Variants in SH3PXD2A observed in about 807,000 individuals in gnomAD.
The protein encoded by SH3PXD2A is SH3 and PX domain-containing protein 2A.
In SH3PXD2A, 32 loss-of-function variants were observed where a neutral mutation model predicts 115.2. That is an observed-to-expected ratio of 0.28 (90% confidence interval 0.21 to 0.37). SH3PXD2A has a LOEUF of 0.37. Among genes scored for constraint, SH3PXD2A ranks in the 10% least tolerant of loss-of-function variants. The probability of loss-of-function intolerance (pLI) is 1.00; values close to 1 mark genes in which losing one functional copy is unlikely to be tolerated. For missense variants in SH3PXD2A, 1,328 were observed against 1,498.7 expected, an observed-to-expected ratio of 0.89 and a Z score of 1.88; for synonymous variants, 610 against 629.1, an observed-to-expected ratio of 0.97 and a Z score of 0.45.
intron 8 of SH3PXD2A, among the ~76,000 whole-genome samples, chr10:103,645,365 T>C (rs1007820557): frequency 6.6e-6 from 1 of 152,194 alleles, no homozygotes; most frequent in African/African-American, 2.4e-5. Flanking sequence ...CTTCTTCCAG[T>C]TCCCCAATTT....
chr10:103,681,458 C>A (rs966583478), intron 6 of SH3PXD2A, among the ~76,000 whole-genome samples: 1 of 152,210 alleles, frequency 6.6e-6, no homozygotes, highest in Non-Finnish European at 1.5e-5. Context: ...TTTCAGAAGC[C>A]CTGGGAAGCC....
chr10:103,806,835 T>C (rs965661947), intron 1 of SH3PXD2A, among the ~76,000 whole-genome samples: 2 of 152,186 alleles, frequency 1.3e-5, no homozygotes, highest in African/African-American at 4.8e-5. Context: ...CAGTCCAGAC[T>C]GAGGGGACCC....
intron 5 of SH3PXD2A, among the ~76,000 whole-genome samples, chr10:103,723,011 G>C (rs2038200625): frequency 6.6e-6 from 1 of 152,214 alleles, no homozygotes; most frequent in African/African-American, 2.4e-5. Context: ...CCTTTAGGCA[G>C]GACTGCCATG....
chr10:103,662,618 C>A (rs1158606186), intron 7 of SH3PXD2A, among the ~76,000 whole-genome samples: 1 of 151,206 alleles, frequency 6.6e-6, no homozygotes, highest in Non-Finnish European at 1.5e-5. Flanking sequence ...CCAGGATGGT[C>A]TCGATCTCCT....
At chr10:103,605,289 C>A (rs1019427403) in intron 14 of SH3PXD2A, among the ~76,000 whole-genome samples, 1 of 152,158 alleles carries the variant, frequency 6.6e-6, no homozygotes, top group Non-Finnish European at 1.5e-5. Flanking sequence ...TCCACATCCT[C>A]CTAACAACAC....
At position 103,609,303 on chromosome 10, in the gene SH3PXD2A, C is replaced by G. The variant is rs560609466; in HGVS notation, c.1308+2278G>C. 9 of 152,446 alleles carry G rather than the reference C, an allele frequency of 5.9e-5. No individual in the cohort carries two copies. The South Asian group carries it at 1.9e-3, about 32-fold the overall frequency. The allele number at this position is 152,446 out of a possible 1,614,324, so 9.4% of individuals were successfully genotyped here. A position where few individuals can be genotyped will look rare whatever the true frequency, so the allele number is the denominator to read the frequency against. ...CAGGTGGGACTTCTGACAGCACAGG[C>G]AAGGCAATGGAGCACAGTGGTCTCT... On this transcript the variant is annotated intron_variant, in intron 13 of 14. Transcript: ENST00000369774.
At chr10:103,643,709 C>T (rs892844681) in intron 8 of SH3PXD2A, among the ~76,000 whole-genome samples, 4 of 152,210 alleles carry the variant, frequency 2.6e-5, no homozygotes, top group Admixed American at 1.3e-4. Context: ...AAAGAAACTT[C>T]TCATGACGAG....
chr10:103,627,060 C>A lies in SH3PXD2A; in HGVS notation c.718+29G>T. 7.7e-7 allele frequency: 1 copy of A among 1,306,446 alleles called. No homozygotes were observed. Among genetic ancestry groups the A allele is most frequent in the South Asian group, 1.2e-5 (1 of 84,866 alleles). The allele number at this position is 1,306,446 out of a possible 1,614,324, so 80.9% of individuals were successfully genotyped here. ...AGCTGCCTCCAGAGGCCGCGTTGCT[C>A]CCTGCCCCTTGGACCTGCAAGCCCT... On this transcript the variant is annotated intron_variant, in intron 9 of 14. Coordinates refer to ENST00000369774, the MANE Select transcript of SH3PXD2A (RefSeq NM_001394015.1). This position sits in a 1 kb window ranked among gnomAD's most constrained non-coding sequence, Gnocchi z 4.4.
chr10:103,636,761 G>C (rs1437675054), intron 8 of SH3PXD2A, among the ~76,000 whole-genome samples: 1 of 152,050 alleles, frequency 6.6e-6, no homozygotes, highest in Non-Finnish European at 1.5e-5. Flanking sequence ...GGGGAGGGGA[G>C]ACCCCCCACT....
chr10:103,697,751 G>A (rs928663647), intron 5 of SH3PXD2A, among the ~76,000 whole-genome samples: 5 of 152,148 alleles, frequency 3.3e-5, no homozygotes, highest in Non-Finnish European at 7.3e-5. Context: ...GGCCAGACAC[G>A]CTGTGCTCCC....
chr10:103,727,124 C>T (rs1400624902), intron 4 of SH3PXD2A, among the ~76,000 whole-genome samples: 2 of 152,166 alleles, frequency 1.3e-5, no homozygotes, highest in African/African-American at 4.8e-5. Flanking sequence ...AATCTAATGA[C>T]ATGTCACCCC....
chr10:103,845,400 G>A (rs1388539062), intron 1 of SH3PXD2A, among the ~76,000 whole-genome samples: 2 of 151,082 alleles, frequency 1.3e-5, no homozygotes, highest in South Asian at 2.1e-4. Context: ...TAAAGAAGAC[G>A]GCTAAAACCC....
rs1375024840 is a variant in SH3PXD2A at position 103,668,590 on chromosome 10, A to C, written c.472+18T>G. On this transcript the variant is annotated intron_variant, in intron 7 of 14. Transcript: ENST00000369774. Reference sequence around the variant, plus strand: ...GGAACACACATGCTCACACACATGCATGCACGCTGGGCAGTACCTGTCACG... The same window carrying C: ...GGAACACACATGCTCACACACATGCCTGCACGCTGGGCAGTACCTGTCACG... The C allele has an allele frequency of 3.2e-6, 5 of 1,550,820 alleles. No homozygotes were observed. Among genetic ancestry groups the C allele is most frequent in the Non-Finnish European group, 3.5e-6 (4 of 1,146,094 alleles).
At chr10:103,798,059 C>T (rs564347287) in intron 2 of SH3PXD2A, among the ~76,000 whole-genome samples, 22 of 152,200 alleles carry the variant, frequency 1.4e-4, no homozygotes, top group Admixed American at 5.2e-4. Flanking sequence ...AACCCGAGGC[C>T]GCCTCGTGGG....
chr10:103,805,699 T>C (rs551649343), intron 1 of SH3PXD2A, among the ~76,000 whole-genome samples: 1 of 152,174 alleles, frequency 6.6e-6, no homozygotes, highest in East Asian at 1.9e-4. Context: ...GAGACTGGCC[T>C]GGACAACACA....
intron 2 of SH3PXD2A, among the ~76,000 whole-genome samples, chr10:103,799,655 T>C (rs1228783616): frequency 2.0e-5 from 3 of 152,254 alleles, no homozygotes; most frequent in Non-Finnish European, 2.9e-5. Context: ...AAGTTCTGAT[T>C]TGGAAGTTTC....
rs1000724314 is a variant in SH3PXD2A at position 103,839,065 on chromosome 10, C to T, written c.72+16130G>A. Among the ~76,000 whole-genome samples the T allele has an allele frequency of 3.9e-5, 6 of 152,160 alleles. 2 individuals carry two copies. In the South Asian group the frequency reaches 1.0e-3, roughly 26 times the overall value. On this transcript the variant is annotated intron_variant, in intron 1 of 14. Transcript: ENST00000369774. ...CAGCACAGATAAATGGTCAACCCCG[C>T]GTGGGATCTGCTCACCAGCTCTGAA...
rs771204466 is a variant in SH3PXD2A, at chr10:103,622,464, A to G, written c.802+6T>C. The G allele has an allele frequency of 6.5e-7, 1 of 1,543,638 alleles. No individual in the cohort carries two copies. The highest frequency in any genetic ancestry group is 1.2e-5 in the South Asian group (1 of 83,900). On this transcript the variant is annotated splice_donor_region_variant and intron_variant, in intron 10 of 14. Coordinates refer to ENST00000369774, the MANE Select transcript of SH3PXD2A (RefSeq NM_001394015.1). ...CGAGGGAGGAGAAGCCAGCTCCCGC[A>G]GTCACCTCGGCTGTGCTGCCTGTTG...
chr10:103,655,237 G>T (rs2037193014), intron 8 of SH3PXD2A, among the ~76,000 whole-genome samples: 1 of 152,192 alleles, frequency 6.6e-6, no homozygotes, highest in African/African-American at 2.4e-5. Flanking sequence ...TCTAAATGGA[G>T]TCTGGTTCAC....
Sources: allele counts gnomAD v4.1 joint callset (sites outside exome capture counted in the v4.1 genomes callset), GRCh38; gene constraint gnomAD v4.1.1; non-coding constraint Gnocchi (gnomAD v3.1); transcripts MANE v1.5; gene names NCBI Gene and HGNC (gene_info 2026-07-23, HGNC 2026-07-21).